The following RARB variants were observed in gnomAD, a reference collection of about 807,000 sequenced individuals.
RARB encodes the protein HBV-activated protein.
RARB carries 17 observed loss-of-function variants against 51.9 expected under a neutral mutation model. The observed-to-expected ratio is 0.33, with a 90% CI of 0.22 to 0.49. The LOEUF (loss-of-function observed/expected upper bound fraction) is 0.49. Among genes scored for constraint, RARB ranks in the 20% least tolerant of loss-of-function variants. RARB has a pLI of 0.99. For synonymous variants in RARB, 215 were observed against 195.4 expected (o/e 1.10, Z -0.84); for missense variants, 369 against 550.8 (o/e 0.67, Z 3.30).
At chr3:25,253,024 T>TATG (rs2125402836) in intron 5 of RARB, among the ~76,000 whole-genome samples, 1 of 152,292 alleles carries the variant, frequency 6.6e-6, no homozygotes, top group African/African-American at 2.4e-5. Flanking sequence ...AGTATGTAAG[T>TATG]TAAGCTGAAC....
intron 2 of RARB, among the ~76,000 whole-genome samples, chr3:24,909,651 A>G (rs955106172): frequency 6.8e-6 from 1 of 147,260 alleles, no homozygotes. Context: ...CTTTCTTTGC[A>G]TTTGTTAGTC....
At chr3:24,982,423 T>A (rs1696697809) in intron 2 of RARB, among the ~76,000 whole-genome samples, 1 of 152,200 alleles carries the variant, frequency 6.6e-6, no homozygotes, top group Non-Finnish European at 1.5e-5. Flanking sequence ...AAAGCTAAAC[T>A]TTCAGACTGT....
chr3:25,195,878 G>A (rs1701221164), intron 5 of RARB, among the ~76,000 whole-genome samples: 2 of 151,950 alleles, frequency 1.3e-5, no homozygotes, highest in Admixed American at 6.6e-5. Context: ...TGAAGTATAT[G>A]TAATCTGTTA....
At chr3:25,017,691 CT>C (rs1193404533) in intron 2 of RARB, among the ~76,000 whole-genome samples, 1 of 151,984 alleles carries the variant, frequency 6.6e-6, no homozygotes, top group Non-Finnish European at 1.5e-5. Context: ...CTAAAAGGAA[CT>C]TTTAATGAGT....
At chr3:25,364,635 A>T (rs1039881901) in intron 5 of RARB, among the ~76,000 whole-genome samples, 13 of 152,248 alleles carry the variant, frequency 8.5e-5, no homozygotes, top group African/African-American at 3.1e-4. Flanking sequence ...AGAGCAATGG[A>T]AGACTTGTTT....
At chr3:25,040,911 C>T (rs550143978) in intron 2 of RARB, among the ~76,000 whole-genome samples, 1 of 152,290 alleles carries the variant, frequency 6.6e-6, no homozygotes, top group Admixed American at 6.5e-5. Context: ...CTGAATGATT[C>T]AAAGTCAGCT....
intron 2 of RARB, among the ~76,000 whole-genome samples, chr3:25,463,862 T>C (rs1695306786): frequency 6.6e-6 from 1 of 152,188 alleles, no homozygotes; most frequent in Non-Finnish European, 1.5e-5. Flanking sequence ...TTTATGGCAA[T>C]TCTCTTTTCT....
At chr3:25,399,614 G>A (rs531150214) in intron 5 of RARB, among the ~76,000 whole-genome samples, 31 of 152,280 alleles carry the variant, frequency 2.0e-4, no homozygotes, top group African/African-American at 6.3e-4. Flanking sequence ...AAAAGCCTCC[G>A]TGTGAGTCCT....
chr3:25,529,920 G>T (rs1210208693), intron 3 of RARB, among the ~76,000 whole-genome samples: 1 of 152,152 alleles, frequency 6.6e-6, no homozygotes, highest in African/African-American at 2.4e-5. Flanking sequence ...AAACCCCTCA[G>T]TGGCTCGCTA....
chr3:25,225,442 G>A (rs1046499671), intron 5 of RARB, among the ~76,000 whole-genome samples: 6 of 152,158 alleles, frequency 3.9e-5, no homozygotes, highest in Non-Finnish European at 7.3e-5. Context: ...CTTTCAAGGT[G>A]TGATACACAT....
chr3:25,210,735 A>C (rs1701676416), intron 5 of RARB, among the ~76,000 whole-genome samples: 1 of 150,986 alleles, frequency 6.6e-6, no homozygotes. Flanking sequence ...GGGTTTCATC[A>C]CATTGGCCAT....
chr3:24,897,980 G>A (rs77820348), intron 2 of RARB, among the ~76,000 whole-genome samples: 2,204 of 152,232 alleles, frequency 0.014, 25 homozygotes, highest in Non-Finnish European at 0.024. Context: ...TGGGTGTTGA[G>A]AAAGTTAGTC....
At chr3:24,896,500 C>T (rs559592655) in intron 2 of RARB, among the ~76,000 whole-genome samples, 2 of 152,002 alleles carry the variant, frequency 1.3e-5, no homozygotes, top group Non-Finnish European at 2.9e-5. Flanking sequence ...ACCTCCTGAT[C>T]CGCCCGCCTC....
intron 2 of RARB, among the ~76,000 whole-genome samples, chr3:24,898,312 A>T (rs1703522355): frequency 6.8e-6 from 1 of 146,994 alleles, no homozygotes; most frequent in Non-Finnish European, 1.5e-5. Flanking sequence ...AATAGGAATA[A>T]ATTATAAATA....
intron 3 of RARB, among the ~76,000 whole-genome samples, chr3:25,504,666 T>C (rs1697483811): frequency 6.6e-6 from 1 of 151,902 alleles, no homozygotes; most frequent in Admixed American, 6.6e-5. Context: ...TTCTTTATGC[T>C]GTGGGAGAAA....
At position 25,325,511 on chromosome 3, in the gene RARB, C is replaced by T. The variant is rs187594856; in HGVS notation, c.179-135682C>T. ...CTGTTTTATGATGGAGTCGATCTGG[C>T]TCAAACGCTCTGACAGAAGCAGACC... On this transcript the variant is annotated intron_variant, in intron 5 of 11. Coordinates refer to the RARB transcript ENST00000383772. 3.1e-3 allele frequency among the ~76,000 whole-genome samples: 468 copies of T among 152,178 alleles called. 3 individuals carry two copies. The highest frequency in any genetic ancestry group is 0.01 in the African/African-American group (421 of 41,510).
At chr3:25,413,420 T>C (rs1033360814) in intron 5 of RARB, among the ~76,000 whole-genome samples, 6 of 152,210 alleles carry the variant, frequency 3.9e-5, no homozygotes, top group Non-Finnish European at 1.5e-5. Context: ...TTATGATTAG[T>C]ACAATTATGA....
At chr3:25,532,098 G>A (rs1323120900) in intron 3 of RARB, among the ~76,000 whole-genome samples, 1 of 152,014 alleles carries the variant, frequency 6.6e-6, no homozygotes, top group East Asian at 1.9e-4. Flanking sequence ...GTGTCAATTT[G>A]CCTAAAATGT....
At chr3:24,946,263 C>CAAAAA (rs201010416) in intron 2 of RARB, among the ~76,000 whole-genome samples, 1 of 116,498 alleles carries the variant, frequency 8.6e-6, no homozygotes. Flanking sequence ...GACTCCATCT[C>CAAAAA]AAAAAAAAAA....
Sources: gnomAD v4.1 joint callset for allele counts (sites outside exome capture counted in the v4.1 genomes callset) on GRCh38, gnomAD v4.1.1 for gene constraint, MANE v1.5 for transcripts, NCBI Gene and HGNC (gene_info 2026-07-23, HGNC 2026-07-21) for gene names.